The following GRID1 variants were observed in gnomAD, a reference collection of about 807,000 sequenced individuals.
GRID1 encodes the protein glutamate receptor ionotropic, delta-1.
Under a neutral mutation model 98.0 loss-of-function variants are expected in GRID1, and 28 were observed. That is an observed-to-expected ratio of 0.29 (90% confidence interval 0.21 to 0.39). GRID1 has a LOEUF of 0.39. Among genes scored for constraint, GRID1 ranks in the 10% least tolerant of loss-of-function variants. The pLI is 1.00. For missense variants in GRID1, 1,111 were observed against 1,340.5 expected (o/e 0.83, Z 2.67); for synonymous variants, 553 against 538.5 (o/e 1.03, Z -0.37).
intron 3 of GRID1, among the ~76,000 whole-genome samples, chr10:86,165,433 C>T (rs757808947): frequency 3.2e-4 from 48 of 152,186 alleles, no homozygotes; most frequent in Non-Finnish European, 5.3e-4. Flanking sequence ...AGCACACGGA[C>T]CCTGCAGGGC....
chr10:85,758,597 T>C (rs913243534), intron 8 of GRID1, among the ~76,000 whole-genome samples: 1 of 152,192 alleles, frequency 6.6e-6, no homozygotes, highest in Non-Finnish European at 1.5e-5. Context: ...CACTGTCTCA[T>C]AGTGTCTCAC....
chr10:85,871,642 T>C (rs1564614627), intron 5 of GRID1, among the ~76,000 whole-genome samples: 1 of 152,116 alleles, frequency 6.6e-6, no homozygotes. Flanking sequence ...GCTAATGAGG[T>C]TGGGAATTAG....
chr10:86,258,521 G>A lies in GRID1; in HGVS notation c.236-51873C>T, dbSNP rs567157717. 3.1e-3 allele frequency among the ~76,000 whole-genome samples: 479 copies of A among 152,290 alleles called. 2 individuals carry two copies. Among genetic ancestry groups the A allele is most frequent in the Non-Finnish European group, 5.7e-3 (391 of 68,032 alleles). On this transcript the variant is annotated intron_variant, in intron 2 of 15. Coordinates refer to ENST00000327946, the MANE Select transcript of GRID1 (RefSeq NM_017551.3). ...GGTTGTTTATGGTAGGTTGGCTGCA[G>A]CTCTGTCCCACAGCATCTTTATTCC...
intron 8 of GRID1, among the ~76,000 whole-genome samples, chr10:85,830,485 G>A (rs1426512244): frequency 1.3e-5 from 2 of 152,146 alleles, no homozygotes; most frequent in African/African-American, 4.8e-5. Context: ...AGGAGCTTCT[G>A]CACAGCAAAA....
Position 85,865,942 on chromosome 10 carries a change from T to TATATATATATATAC in GRID1, c.951+3067_951+3068insGTATATATATATAT, listed in dbSNP as rs1199144734. Among the ~76,000 whole-genome samples, 125 of 94,858 alleles carry TATATATATATATAC rather than the reference T, an allele frequency of 1.3e-3. 1 individual carries two copies. The highest frequency in any genetic ancestry group is 5.8e-3 in the South Asian group (15 of 2,608). The allele number at this position is 94,858 out of a possible 152,430, so 62.2% of individuals were successfully genotyped here. A position where few individuals can be genotyped will look rare whatever the true frequency, so the allele number is the denominator to read the frequency against. ...ATATATATATATATATATATATATA[T>TATATATATATATAC]ACACATATATATGGAGAGAGAGAGA... On this transcript the variant is annotated intron_variant, in intron 6 of 15. Transcript: ENST00000327946.
chr10:86,245,298 G>C (rs1329498363), intron 2 of GRID1, among the ~76,000 whole-genome samples: 1 of 152,206 alleles, frequency 6.6e-6, no homozygotes, highest in Admixed American at 6.5e-5. Flanking sequence ...CAGTGGCCTG[G>C]GGAAGTTAGG....
rs559395404 is a variant in GRID1 at position 85,719,583 on chromosome 10, G to A, written c.1997+3420C>T. On this transcript the variant is annotated intron_variant, in intron 12 of 15. Coordinates refer to ENST00000327946, the MANE Select transcript of GRID1 (RefSeq NM_017551.3). ...CCCTGATAAACCCACATCAGATCTCGTGAGACTTATGCACTGTCATGAGAA... is the reference window on the plus strand; with the variant it reads ...CCCTGATAAACCCACATCAGATCTCATGAGACTTATGCACTGTCATGAGAA... Among the ~76,000 whole-genome samples the A allele has an allele frequency of 4.6e-5, 7 of 152,260 alleles. No individual in the cohort carries two copies. In the South Asian group the frequency reaches 1.2e-3, roughly 27 times the overall value.
intron 4 of GRID1, among the ~76,000 whole-genome samples, chr10:86,024,644 C>G (rs1479939496): frequency 6.6e-6 from 1 of 152,206 alleles, no homozygotes; most frequent in Non-Finnish European, 1.5e-5. Flanking sequence ...TTCCCTTGTT[C>G]TGAGCCCCAC....
At chr10:85,798,146 T>C (rs1004587993) in intron 8 of GRID1, among the ~76,000 whole-genome samples, 2 of 152,206 alleles carry the variant, frequency 1.3e-5, no homozygotes, top group African/African-American at 4.8e-5. Context: ...ATTGCTGAGT[T>C]GAATGGTAGC....
intron 8 of GRID1, among the ~76,000 whole-genome samples, chr10:85,736,940 A>T (rs1050040945): frequency 6.6e-6 from 1 of 152,170 alleles, no homozygotes; most frequent in Admixed American, 6.5e-5. Context: ...GAAGTAAGGT[A>T]TAACTTGAGA....
At chr10:85,909,644 A>G (rs1464229494) in intron 5 of GRID1, among the ~76,000 whole-genome samples, 1 of 152,222 alleles carries the variant, frequency 6.6e-6, no homozygotes, top group Non-Finnish European at 1.5e-5. Context: ...AAAATAAGCC[A>G]TACCAAAAGC....
intron 4 of GRID1, among the ~76,000 whole-genome samples, chr10:86,113,782 T>C (rs1037946185): frequency 2.0e-5 from 3 of 152,126 alleles, no homozygotes; most frequent in Non-Finnish European, 2.9e-5. Flanking sequence ...AGTTCATGCA[T>C]CTATCTTCAG....
chr10:86,089,667 T>C (rs1322722504), intron 4 of GRID1, among the ~76,000 whole-genome samples: 1 of 152,118 alleles, frequency 6.6e-6, no homozygotes, highest in Admixed American at 6.5e-5. Context: ...CCATGGGCAA[T>C]TGCAAATGTA....
At chr10:85,798,117 G>A (rs772326945) in intron 8 of GRID1, among the ~76,000 whole-genome samples, 3 of 152,194 alleles carry the variant, frequency 2.0e-5, no homozygotes, top group African/African-American at 4.8e-5. Context: ...TTTCCTTTGC[G>A]TATATACCCA....
At chr10:85,970,419 A>G (rs1842392625) in intron 4 of GRID1, among the ~76,000 whole-genome samples, 1 of 152,232 alleles carries the variant, frequency 6.6e-6, no homozygotes, top group East Asian at 1.9e-4. Context: ...AAAAATTTCA[A>G]CAAAATGCTA....
intron 2 of GRID1, among the ~76,000 whole-genome samples, chr10:86,355,645 TCTC>T (rs1357551783): frequency 6.6e-6 from 1 of 152,200 alleles, no homozygotes; most frequent in Admixed American, 6.5e-5. Flanking sequence ...AACTCTGGGT[TCTC>T]CTTTCTTCAA....
chr10:86,290,456 G>C (rs1474660440), intron 2 of GRID1, among the ~76,000 whole-genome samples: 1 of 152,056 alleles, frequency 6.6e-6, no homozygotes, highest in Non-Finnish European at 1.5e-5. Context: ...AGGATAGCCT[G>C]GCCAACATAG....
chr10:85,747,270 T>C (rs1032779256), intron 8 of GRID1, among the ~76,000 whole-genome samples: 2 of 152,024 alleles, frequency 1.3e-5, no homozygotes, highest in Non-Finnish European at 2.9e-5. Context: ...TTTCGTTATT[T>C]AATGGAGGAA....
At chr10:85,768,076 C>A (rs961764736) in intron 8 of GRID1, among the ~76,000 whole-genome samples, 1 of 152,278 alleles carries the variant, frequency 6.6e-6, no homozygotes, top group South Asian at 2.1e-4. Flanking sequence ...GGAAAGTTTT[C>A]TCACCTTCCC....
Sources: allele counts gnomAD v4.1 joint callset (sites outside exome capture counted in the v4.1 genomes callset), GRCh38; gene constraint gnomAD v4.1.1; transcripts MANE v1.5; gene names NCBI Gene and HGNC (gene_info 2026-07-23, HGNC 2026-07-21).